NPSR1: variants seen among roughly 807,000 people sequenced by gnomAD.
NPSR1 encodes neuropeptide S receptor.
A neutral mutation model predicts 46.9 loss-of-function variants in NPSR1; 48 were observed. The observed-to-expected ratio is 1.02, with a 90% CI of 0.81 to 1.30. NPSR1 has a LOEUF of 1.30. Ranked by LOEUF, NPSR1 falls within the 50% of genes most tolerant of loss-of-function variation. The probability of loss-of-function intolerance (pLI) is 0.00; values close to 1 mark genes in which losing one functional copy is unlikely to be tolerated. For synonymous variants in NPSR1, 176 were observed against 168.1 expected (o/e 1.05, Z -0.36); for missense variants, 450 against 449.5 (o/e 1.00, Z -0.01).
chr7:34,688,284 A>C (rs914565622), intron 2 of NPSR1, among the ~76,000 whole-genome samples: 15 of 152,236 alleles, frequency 9.9e-5, no homozygotes, highest in African/African-American at 3.4e-4. Context: ...TCAGCACTTG[A>C]TTAAAAAATA....
At chr7:34,823,778 G>C (rs1390955515) in intron 4 of NPSR1, among the ~76,000 whole-genome samples, 2 of 152,114 alleles carry the variant, frequency 1.3e-5, no homozygotes, top group Non-Finnish European at 2.9e-5. Context: ...TAAAATTGGA[G>C]TACAGTATAA....
intron 3 of NPSR1, among the ~76,000 whole-genome samples, chr7:34,804,576 T>C (rs1385785223): frequency 4.6e-5 from 7 of 152,084 alleles, no homozygotes; most frequent in African/African-American, 1.7e-4. Context: ...TCATATTTAA[T>C]GGCAAGAAAT....
intron 1 of NPSR1, among the ~76,000 whole-genome samples, chr7:34,681,217 T>C (rs1327664665): frequency 6.6e-6 from 1 of 152,126 alleles, no homozygotes; most frequent in Non-Finnish European, 1.5e-5. Flanking sequence ...ATCTTCCCTT[T>C]ACTAGGATGG....
intron 3 of NPSR1, among the ~76,000 whole-genome samples, chr7:34,787,244 C>A (rs1300744663): frequency 2.0e-5 from 3 of 152,114 alleles, no homozygotes; most frequent in African/African-American, 7.2e-5. Flanking sequence ...ACAGAGACAA[C>A]TTCCATCCTT....
chr7:34,821,246 T>A (rs1167348458), intron 4 of NPSR1, among the ~76,000 whole-genome samples: 2 of 151,530 alleles, frequency 1.3e-5, no homozygotes, highest in Non-Finnish European at 2.9e-5. Context: ...GTGATTCTTG[T>A]GCCTCAGCCT....
downstream of NPSR1, among the ~76,000 whole-genome samples, chr7:34,854,165 T>C (rs891453544): frequency 1.3e-5 from 2 of 152,104 alleles, no homozygotes; most frequent in African/African-American, 4.8e-5. Flanking sequence ...TGCAAAAACA[T>C]ACATCTTTCA....
At chr7:34,784,509 C>A (rs1584012596) in intron 3 of NPSR1, among the ~76,000 whole-genome samples, 4 of 152,146 alleles carry the variant, frequency 2.6e-5, no homozygotes, top group African/African-American at 9.6e-5. Flanking sequence ...TATATTGAAC[C>A]AGCCTTGCAT....
At chr7:34,795,719 C>A (rs1788142440) in intron 3 of NPSR1, among the ~76,000 whole-genome samples, 1 of 152,090 alleles carries the variant, frequency 6.6e-6, no homozygotes, top group South Asian at 2.1e-4. Context: ...AAGATCTATA[C>A]AAGGAAAACT....
At chr7:34,779,490 T>C (rs1787131598) in intron 3 of NPSR1, 3 of 700,998 alleles carry the variant, frequency 4.3e-6, no homozygotes, top group Non-Finnish European at 6.2e-6. Context: ...GATCTTTGTA[T>C]ATATATTCAT....
intron 8 of NPSR1, 137 bp from the exon 9 acceptor site, chr7:34,849,428 G>A (rs762428129): frequency 1.9e-6 from 3 of 1,579,534 alleles, no homozygotes; most frequent in African/African-American, 1.3e-5. Context: ...GGAAGGTCAG[G>A]GTATTACATG....
chr7:34,770,635 A>C (rs1347130750), intron 2 of NPSR1, among the ~76,000 whole-genome samples: 1 of 152,162 alleles, frequency 6.6e-6, no homozygotes, highest in African/African-American at 2.4e-5. Context: ...TTTCAAGCAG[A>C]GGGAACACCT....
intron 2 of NPSR1, among the ~76,000 whole-genome samples, chr7:34,687,079 T>C (rs1258826136): frequency 6.6e-6 from 1 of 151,922 alleles, no homozygotes; most frequent in Non-Finnish European, 1.5e-5. Flanking sequence ...CTTTCCTCTG[T>C]TTTTGTTTTG....
chr7:34,708,866 G>A (rs1467475996), intron 2 of NPSR1, among the ~76,000 whole-genome samples: 1 of 152,170 alleles, frequency 6.6e-6, no homozygotes, highest in African/African-American at 2.4e-5. Flanking sequence ...GAAGGTGAGT[G>A]GTGAGCAGTA....
rs1047733938 is a variant in NPSR1 at position 34,829,526 on chromosome 7, C to T, written c.680+1924C>T. On this transcript the variant is annotated intron_variant, in intron 5 of 8. Transcript: ENST00000360581. ...AAGTGGCTTGTGTCATCCTGAGCAACTGAGGCATCGATTTCAGTGGCAGCA... is the reference window on the plus strand; with the variant it reads ...AAGTGGCTTGTGTCATCCTGAGCAATTGAGGCATCGATTTCAGTGGCAGCA... 2.6e-5 allele frequency among the ~76,000 whole-genome samples: 4 copies of T among 152,318 alleles called. No individual in the cohort carries two copies. The East Asian group carries it at 7.7e-4, about 29-fold the overall frequency.
intron 2 of NPSR1, among the ~76,000 whole-genome samples, chr7:34,727,061 G>A (rs1288660094): frequency 6.6e-6 from 1 of 152,146 alleles, no homozygotes; most frequent in Non-Finnish European, 1.5e-5. Flanking sequence ...AGTAAGAAAT[G>A]TACCATTCTG....
At chr7:34,726,819 T>TAA (rs35968998) in intron 2 of NPSR1, among the ~76,000 whole-genome samples, 1 of 124,010 alleles carries the variant, frequency 8.1e-6, no homozygotes, top group Non-Finnish European at 1.8e-5. Flanking sequence ...ATGAAGACAG[T>TAA]AAAAAAAAAA....
At chr7:34,843,232 A>T (rs1290367946) in intron 6 of NPSR1, among the ~76,000 whole-genome samples, 1 of 152,190 alleles carries the variant, frequency 6.6e-6, no homozygotes, top group Non-Finnish European at 1.5e-5. Flanking sequence ...AAAGAGATTT[A>T]TTTGGCTTAT....
intron 3 of NPSR1, among the ~76,000 whole-genome samples, chr7:34,781,748 C>T (rs187060847): frequency 1.5e-4 from 23 of 152,280 alleles, no homozygotes; most frequent in African/African-American, 5.5e-4. Flanking sequence ...GGAGCCATGG[C>T]CACCCTGGGA....
At chr7:34,705,284 G>A (rs1287394732) in intron 2 of NPSR1, among the ~76,000 whole-genome samples, 1 of 151,834 alleles carries the variant, frequency 6.6e-6, no homozygotes, top group Non-Finnish European at 1.5e-5. Context: ...AAAATCAGTT[G>A]GGCATGATGG....
Sources: gnomAD v4.1 joint callset for allele counts (sites outside exome capture counted in the v4.1 genomes callset) on GRCh38, gnomAD v4.1.1 for gene constraint, MANE v1.5 for transcripts, NCBI Gene and HGNC (gene_info 2026-07-23, HGNC 2026-07-21) for gene names.